The following ADAMTSL1 variants were observed in gnomAD, a reference collection of about 807,000 sequenced individuals.
ADAMTSL1 encodes ADAMTS-like protein 1.
A neutral mutation model predicts 201.8 loss-of-function variants in ADAMTSL1; 126 were observed. The ratio of observed to expected loss-of-function variants is 0.62; its 90% confidence interval spans 0.54 to 0.72. ADAMTSL1 has a LOEUF of 0.72. ADAMTSL1 is among the 30% of genes least tolerant of loss of function. The probability of loss-of-function intolerance (pLI) is 0.00; values close to 1 mark genes in which losing one functional copy is unlikely to be tolerated. For missense variants in ADAMTSL1, 2,679 were observed against 2,277.8 expected (o/e 1.18, Z -3.59); for synonymous variants, 1,121 against 903.4 (o/e 1.24, Z -4.32).
At chr9:17,993,673 T>C (rs1819255382) in intron 1 of ADAMTSL1, among the ~76,000 whole-genome samples, 1 of 152,182 alleles carries the variant, frequency 6.6e-6, no homozygotes, top group Non-Finnish European at 1.5e-5. Flanking sequence ...TTAATGAGGC[T>C]AAGTTGGGGA....
intron 1 of ADAMTSL1, among the ~76,000 whole-genome samples, chr9:18,007,005 T>C (rs1030401664): frequency 2.0e-5 from 3 of 151,954 alleles, no homozygotes; most frequent in Non-Finnish European, 1.5e-5. Context: ...ATTTTTAAAG[T>C]GGTAGAAAAA....
chr9:18,861,523 G>A (rs983104045), intron 23 of ADAMTSL1, among the ~76,000 whole-genome samples: 2 of 152,174 alleles, frequency 1.3e-5, no homozygotes, highest in African/African-American at 4.8e-5. Flanking sequence ...AAGGCAAACT[G>A]AGAACCACAC....
chr9:18,297,025 A>G (rs944900094), intron 2 of ADAMTSL1, among the ~76,000 whole-genome samples: 1 of 152,244 alleles, frequency 6.6e-6, no homozygotes, highest in Non-Finnish European at 1.5e-5. Context: ...TGTAATAAAA[A>G]GAGATACATA....
intron 2 of ADAMTSL1, among the ~76,000 whole-genome samples, chr9:18,509,014 C>T (rs538007353): frequency 1.8e-5 from 2 of 109,746 alleles, no homozygotes; most frequent in Non-Finnish European, 3.9e-5. Flanking sequence ...GAAACCCCGT[C>T]TCTACTAAAA....
chr9:18,674,743 G>A (rs1179990397), intron 9 of ADAMTSL1, among the ~76,000 whole-genome samples: 2 of 152,096 alleles, frequency 1.3e-5, no homozygotes, highest in African/African-American at 4.8e-5. Flanking sequence ...TAGAATACAT[G>A]AGTTCCTTCA....
chr9:18,870,634 T>C (rs1292565723), intron 23 of ADAMTSL1, among the ~76,000 whole-genome samples: 3 of 152,164 alleles, frequency 2.0e-5, no homozygotes, highest in Non-Finnish European at 4.4e-5. Flanking sequence ...CCAATAAAGT[T>C]ATAAGCTTTC....
At chr9:18,390,484 T>G (rs1291930740) in intron 2 of ADAMTSL1, among the ~76,000 whole-genome samples, 1 of 152,198 alleles carries the variant, frequency 6.6e-6, no homozygotes, top group African/African-American at 2.4e-5. Context: ...ACTTCATTTC[T>G]CTCGGTCAGC....
At chr9:18,833,010 G>A (rs989731507) in intron 23 of ADAMTSL1, among the ~76,000 whole-genome samples, 3 of 152,190 alleles carry the variant, frequency 2.0e-5, no homozygotes, top group Admixed American at 2.0e-4. Context: ...CCCAGTAGGT[G>A]AGACTATTCC....
chr9:18,411,132 G>A (rs974146342), intron 2 of ADAMTSL1, among the ~76,000 whole-genome samples: 8 of 150,972 alleles, frequency 5.3e-5, no homozygotes, highest in African/African-American at 1.9e-4. Flanking sequence ...AAAGTGCTGG[G>A]ATTTCAGGCG....
At chr9:18,149,110 G>T (rs1273595753) in intron 1 of ADAMTSL1, among the ~76,000 whole-genome samples, 1 of 152,050 alleles carries the variant, frequency 6.6e-6, no homozygotes, top group Non-Finnish European at 1.5e-5. Context: ...ACTTTGGAGA[G>T]TAGCTCCTCT....
chr9:18,094,813 G>A (rs1000186033), intron 1 of ADAMTSL1, among the ~76,000 whole-genome samples: 2 of 148,520 alleles, frequency 1.3e-5, no homozygotes, highest in African/African-American at 5.0e-5. Context: ...TGATCTGCCC[G>A]CCTCAGCCTC....
intron 5 of ADAMTSL1, among the ~76,000 whole-genome samples, chr9:18,622,981 C>A (rs1013644087): frequency 6.6e-6 from 1 of 152,154 alleles, no homozygotes; most frequent in African/African-American, 2.4e-5. Flanking sequence ...CTGCAACCTC[C>A]GCTTCCCGGG....
chr9:18,901,230 A>G (rs377384240), intron 26 of ADAMTSL1, among the ~76,000 whole-genome samples: 1 of 152,186 alleles, frequency 6.6e-6, no homozygotes, highest in African/African-American at 2.4e-5. Context: ...TCCTTCAAAA[A>G]TGAGGGGGAA....
chr9:18,793,095 T>C (rs1408155925), intron 19 of ADAMTSL1: 2 of 152,194 alleles, frequency 1.3e-5, no homozygotes, highest in African/African-American at 4.8e-5. Flanking sequence ...TCTCCAGTAA[T>C]AGTGGTGATG....
chr9:18,307,146 A>T (rs1396593334), intron 2 of ADAMTSL1, among the ~76,000 whole-genome samples: 1 of 152,194 alleles, frequency 6.6e-6, no homozygotes, highest in African/African-American at 2.4e-5. Context: ...GCAAATGCTG[A>T]GAGATTTTTT....
intron 1 of ADAMTSL1, among the ~76,000 whole-genome samples, chr9:17,932,062 G>T (rs779239771): frequency 2.0e-5 from 3 of 152,212 alleles, no homozygotes; most frequent in South Asian, 2.1e-4. Context: ...ATATCTTTGT[G>T]TTTGGCAACA....
At chr9:18,227,170 A>G (rs532618171) in intron 2 of ADAMTSL1, among the ~76,000 whole-genome samples, 7 of 152,190 alleles carry the variant, frequency 4.6e-5, no homozygotes, top group South Asian at 2.1e-4. Context: ...TTTTCCCTCA[A>G]TTCTCCTCTA....
intron 1 of ADAMTSL1, among the ~76,000 whole-genome samples, chr9:18,110,837 C>G (rs1465977193): frequency 6.6e-6 from 1 of 152,098 alleles, no homozygotes; most frequent in African/African-American, 2.4e-5. Flanking sequence ...ATGAATCTGG[C>G]TGATATGAAG....
intron 1 of ADAMTSL1, among the ~76,000 whole-genome samples, chr9:18,487,488 C>T (rs1822056995): frequency 6.6e-6 from 1 of 152,154 alleles, no homozygotes; most frequent in Admixed American, 6.5e-5. Flanking sequence ...TACTTTCCTT[C>T]CTCCTTCCCT....
Sources: allele counts gnomAD v4.1 joint callset (sites outside exome capture counted in the v4.1 genomes callset), GRCh38; gene constraint gnomAD v4.1.1; transcripts MANE v1.5; gene names NCBI Gene and HGNC (gene_info 2026-07-23, HGNC 2026-07-21).